The following DMD variants were observed in gnomAD, a reference collection of about 807,000 sequenced individuals.
DMD encodes the protein dystrophin, also known as mutant dystrophin.
In DMD, 63 loss-of-function variants were observed where a neutral mutation model predicts 330.1. The ratio of observed to expected loss-of-function variants is 0.19; its 90% CI spans 0.16 to 0.24. DMD has a LOEUF of 0.24. DMD is among the 10% of genes least tolerant of loss of function. The pLI, the probability that DMD is intolerant of heterozygous loss-of-function variation, is 1.00. For synonymous variants in DMD, 1,223 were observed against 959.8 expected, an observed-to-expected ratio of 1.27 and a Z score of -5.07; for missense variants, 3,344 against 2,684.1, an observed-to-expected ratio of 1.25 and a Z score of -5.43.
Position 32,448,646 on chromosome X carries a change from A to G in DMD, c.3604-8T>C, listed in dbSNP as rs2098315329. 5 of 1,193,455 alleles carry G rather than the reference A, an allele frequency of 4.2e-6. No individual in the cohort carries two copies. The highest frequency in any genetic ancestry group is 1.8e-5 in the South Asian group (1 of 55,188). On this transcript the variant is annotated splice_polypyrimidine_tract_variant and splice_region_variant and intron_variant, in intron 26 of 78. Coordinates refer to ENST00000357033, the MANE Select transcript of DMD (RefSeq NM_004006.3). ...GGCCTCTTCTTTAGCTCTCTGAAAA[A>G]TAAAGAATGCTCTCTTAATAGCATG...
At chrX:32,545,119 C>T in intron 17 of DMD, 40 bp downstream of exon 17, 1 of 1,176,022 alleles carries the variant, frequency 8.5e-7, no homozygotes, top group Non-Finnish European at 1.2e-6. Context: ...AATGAGTTTT[C>T]TCCACTTCAT....
chrX:31,891,364 A>G (rs1455310910), intron 47 of DMD, among the ~76,000 whole-genome samples: 2 of 111,680 alleles, frequency 1.8e-5, no homozygotes, highest in East Asian at 2.8e-4. Context: ...AACAATAAAA[A>G]AATCAGGGCA....
intron 11 of DMD, among the ~76,000 whole-genome samples, chrX:32,630,392 T>G (rs1669404789): frequency 9.0e-6 from 1 of 110,615 alleles, no homozygotes; most frequent in Non-Finnish European, 1.9e-5. Flanking sequence ...AGTTTGATTT[T>G]TAAATGCCCT....
intron 1 of DMD, among the ~76,000 whole-genome samples, chrX:33,166,627 T>G (rs1352148025): frequency 9.0e-6 from 1 of 111,253 alleles, no homozygotes; most frequent in Non-Finnish European, 1.9e-5. Flanking sequence ...TTACCTGATT[T>G]ATGCATTTAT....
intron 47 of DMD, among the ~76,000 whole-genome samples, chrX:31,876,699 C>CAAAAAAA (rs1187715444): frequency 9.5e-6 from 1 of 104,748 alleles, no homozygotes; most frequent in African/African-American, 3.5e-5. Flanking sequence ...AAAAAAAAAA[C>CAAAAAAA]AAAAAAAACA....
chrX:31,318,921 C>A (rs1353353904), intron 62 of DMD, among the ~76,000 whole-genome samples: 1 of 112,110 alleles, frequency 8.9e-6, no homozygotes, highest in Non-Finnish European at 1.9e-5. Flanking sequence ...GTCTAAAAAT[C>A]AAATCCTTCC....
At chrX:32,359,267 C>A (rs2097821278) in intron 37 of DMD, among the ~76,000 whole-genome samples, 1 of 111,649 alleles carries the variant, frequency 9.0e-6, no homozygotes, top group Non-Finnish European at 1.9e-5. Context: ...ATGGGAGTAC[C>A]CCACTTTGTA....
chrX:33,123,672 C>T (rs186266892), intron 1 of DMD, among the ~76,000 whole-genome samples: 3,466 of 108,031 alleles, frequency 0.032, 167 homozygotes, highest in African/African-American at 0.11. Flanking sequence ...TACACCTCAG[C>T]CTCCCAAATT....
At chrX:31,223,220 C>T (rs1219903694) in intron 63 of DMD, 99 bp from the exon 64 acceptor site, 20 of 716,114 alleles carry the variant, frequency 2.8e-5, no homozygotes, top group Non-Finnish European at 4.5e-5. Context: ...ACAACCACCA[C>T]AAAAATAGCC....
chrX:31,879,148 A>G lies in DMD; in HGVS notation c.6913-3775T>C, dbSNP rs147424948. On this transcript the variant is annotated intron_variant, in intron 47 of 78. Transcript: ENST00000357033. ...CTGCTCTCACACTGTTAACAAAGACATATCTGAGACTGGGTGATTTATAAA... is the reference window on the plus strand; with the variant it reads ...CTGCTCTCACACTGTTAACAAAGACGTATCTGAGACTGGGTGATTTATAAA... Among the ~76,000 whole-genome samples, 1,787 of 106,465 alleles carry G rather than the reference A, an allele frequency of 0.017. 39 individuals carry two copies. The highest frequency in any genetic ancestry group is 0.058 in the African/African-American group (1,694 of 29,394). The allele number at this position is 106,465 out of a possible 115,157, so 92.5% of individuals were successfully genotyped here. A position where few individuals can be genotyped will look rare whatever the true frequency, so the allele number is the denominator to read the frequency against.
Position 32,485,096 on chromosome X carries a change from C to T in DMD, c.2626G>A (p.Glu876Lys), listed in dbSNP as rs1040401556. The T allele has an allele frequency of 9.1e-6, 11 of 1,204,922 alleles. No individual in the cohort carries two copies. The highest frequency in any genetic ancestry group is 1.2e-5 in the Non-Finnish European group (11 of 890,865). ...IKSQLKICKD[E>K]VNRLSDLQPQ... ...TGAAGATCTGATAGCCGGTTGACTT[C>T]ATCCTGTGCCATAGAGTATGGAAAG... is the stretch of plus-strand genomic sequence containing the variant. Residue 876 changes from glutamate (E) to lysine (K), a missense_variant, in exon 21 of 79, where the codon GAA (glutamate) becomes AAA (lysine). Physicochemically the swap from Glu to Lys is moderately conservative, Grantham distance 56 (BLOSUM62 1). Transcript: ENST00000357033.
At chrX:33,009,824 ATATG>A (rs2093611973) in intron 2 of DMD, among the ~76,000 whole-genome samples, 1 of 16,134 alleles carries the variant, frequency 6.2e-5, no homozygotes, top group Admixed American at 6.3e-4. Context: ...ACATATGTGT[ATATG>A]TGTGTATATG....
intron 7 of DMD, among the ~76,000 whole-genome samples, chrX:32,792,663 G>T (rs1440849613): frequency 8.9e-6 from 1 of 112,240 alleles, no homozygotes; most frequent in Non-Finnish European, 1.9e-5. Context: ...GGGAGAAGCA[G>T]CAGCTATGCT....
At chrX:31,458,158 GA>G (rs1032216567) in intron 59 of DMD, among the ~76,000 whole-genome samples, 2 of 111,161 alleles carry the variant, frequency 1.8e-5, no homozygotes, top group Non-Finnish European at 3.8e-5. Flanking sequence ...TTCTGAGGCT[GA>G]AAAGAAAGTC....
chrX:31,592,771 GT>G (rs1377466476), intron 55 of DMD, among the ~76,000 whole-genome samples: 1 of 110,319 alleles, frequency 9.1e-6, no homozygotes, highest in Non-Finnish European at 1.9e-5. Context: ...CATCTCTAAG[GT>G]TTTATGAGCA....
chrX:32,103,774 C>G (rs969135262), intron 44 of DMD, among the ~76,000 whole-genome samples: 1 of 111,787 alleles, frequency 8.9e-6, no homozygotes, highest in African/African-American at 3.2e-5. Context: ...TTTCTAGATC[C>G]CAGTAAATAG....
chrX:32,932,724 G>C (rs915943007), intron 2 of DMD, among the ~76,000 whole-genome samples: 2 of 111,809 alleles, frequency 1.8e-5, no homozygotes, highest in Non-Finnish European at 3.8e-5. Flanking sequence ...AGCCCGAAAA[G>C]GCTGGAGAAT....
intron 18 of DMD, among the ~76,000 whole-genome samples, chrX:32,514,346 T>A (rs143124691): frequency 8.9e-6 from 1 of 111,915 alleles, no homozygotes; most frequent in African/African-American, 3.2e-5. Flanking sequence ...GGGGAAAGTT[T>A]AGGTACCCCA....
At chrX:32,316,587 T>G (rs768009773) in intron 41 of DMD, among the ~76,000 whole-genome samples, 5 of 111,598 alleles carry the variant, frequency 4.5e-5, no homozygotes, top group Admixed American at 9.6e-5. Flanking sequence ...TGAACTTTCT[T>G]GAGAAATAGA....
Sources: allele counts gnomAD v4.1 joint callset (sites outside exome capture counted in the v4.1 genomes callset), GRCh38; gene constraint gnomAD v4.1.1; transcripts MANE v1.5; gene names NCBI Gene and HGNC (gene_info 2026-07-23, HGNC 2026-07-21).